Variants in ATP2B2 observed in about 807,000 individuals in gnomAD.
ATP2B2 encodes ATPase plasma membrane Ca2+ transporting 2, also known as plasma membrane calcium-transporting ATPase 2.
Under a neutral mutation model 120.0 loss-of-function variants are expected in ATP2B2, and 15 were observed. The ratio of observed to expected loss-of-function variants is 0.12; its 90% CI spans 0.08 to 0.19. ATP2B2 has a LOEUF of 0.19. ATP2B2 is among the 10% of genes least tolerant of loss of function. The pLI, the probability that ATP2B2 is intolerant of heterozygous loss-of-function variation, is 1.00. For missense variants in ATP2B2, 1,045 were observed against 1,719.8 expected, an observed-to-expected ratio of 0.61 and a Z score of 6.94; for synonymous variants, 694 against 700.3, an observed-to-expected ratio of 0.99 and a Z score of 0.14.
Position 10,655,188 on chromosome 3 carries a change from C to T in ATP2B2, c.-459-35227G>A, listed in dbSNP as rs571143809. 2.0e-5 allele frequency among the ~76,000 whole-genome samples: 3 copies of T among 152,336 alleles called. No homozygotes were observed. The South Asian group carries it at 6.2e-4, about 32-fold the overall frequency. On this transcript the variant is annotated intron_variant, in intron 1 of 21. Coordinates refer to the ATP2B2 transcript ENST00000646379. ...AAATGACAAGCTATGTGCTGTCTCT[C>T]ATTCACTCTCAACTACACCAATCCC...
At chr3:10,514,619 C>T (rs1425108053) in intron 3 of ATP2B2, among the ~76,000 whole-genome samples, 3 of 152,212 alleles carry the variant, frequency 2.0e-5, no homozygotes, top group African/African-American at 7.2e-5. Flanking sequence ...GAGCACACTG[C>T]AGCCAGGCCA....
Position 10,412,340 on chromosome 3 carries a change from G to A in ATP2B2, c.200-1525C>T, listed in dbSNP as rs1243543681. On this transcript the variant is annotated intron_variant, in intron 2 of 22. Transcript: ENST00000360273. Reference sequence around the variant, plus strand: ...ATTCAGGCGTGTGACCAGGAGGTGCGTGGCTCTGGTGGGGAAGACTCCCTC... The same window carrying A: ...ATTCAGGCGTGTGACCAGGAGGTGCATGGCTCTGGTGGGGAAGACTCCCTC... Among the ~76,000 whole-genome samples, 9 of 152,298 alleles carry A rather than the reference G, an allele frequency of 5.9e-5. No individual in the cohort carries two copies. The East Asian group carries it at 7.7e-4, about 13-fold the overall frequency.
chr3:10,504,314 C>G (rs1243143368), intron 1 of ATP2B2, among the ~76,000 whole-genome samples: 1 of 152,196 alleles, frequency 6.6e-6, no homozygotes, highest in Non-Finnish European at 1.5e-5. Flanking sequence ...GGATGGCGCC[C>G]GCTGATCCTG....
intron 1 of ATP2B2, among the ~76,000 whole-genome samples, chr3:10,492,114 T>G (rs1223925127): frequency 6.6e-6 from 1 of 152,154 alleles, no homozygotes; most frequent in Non-Finnish European, 1.5e-5. Flanking sequence ...ATGACTGTAG[T>G]TTAAAAAAGG....
At chr3:10,466,963 T>C (rs2064770718) in intron 1 of ATP2B2, among the ~76,000 whole-genome samples, 2 of 152,170 alleles carry the variant, frequency 1.3e-5, no homozygotes, top group African/African-American at 4.8e-5. Flanking sequence ...GGGTAGGCAT[T>C]GGGCAAGCCT....
chr3:10,643,874 G>GTA (rs1280375420), intron 1 of ATP2B2, among the ~76,000 whole-genome samples: 1 of 152,080 alleles, frequency 6.6e-6, no homozygotes, highest in Non-Finnish European at 1.5e-5. Flanking sequence ...TTAGATCAAA[G>GTA]TATACATCAG....
chr3:10,555,668 T>A lies in ATP2B2; in HGVS notation c.-414-21535A>T, dbSNP rs539362287. ...GAGCTTTGTCTCTTCCCCTGTTGAA[T>A]GGGAGGAATAGCAGCACCTCCATTG... On this transcript the variant is annotated intron_variant, in intron 2 of 21. Coordinates refer to the ATP2B2 transcript ENST00000646379. 2.6e-5 allele frequency among the ~76,000 whole-genome samples: 4 copies of A among 152,316 alleles called. No homozygotes were observed. The East Asian group carries it at 5.8e-4, about 22-fold the overall frequency.
intron 1 of ATP2B2, among the ~76,000 whole-genome samples, chr3:10,639,558 G>T (rs920169816): frequency 5.9e-5 from 9 of 152,168 alleles, no homozygotes; most frequent in African/African-American, 2.2e-4. Context: ...CCTCCCCAAG[G>T]CCCCACCTCC....
intron 1 of ATP2B2, among the ~76,000 whole-genome samples, chr3:10,500,604 C>T (rs991801788): frequency 4.6e-5 from 7 of 151,822 alleles, no homozygotes; most frequent in South Asian, 2.1e-4. Context: ...ATGGGTGTGA[C>T]GCAGCCACAA....
intron 2 of ATP2B2, among the ~76,000 whole-genome samples, chr3:10,447,014 A>C (rs2063859253): frequency 6.6e-6 from 1 of 152,146 alleles, no homozygotes; most frequent in Non-Finnish European, 1.5e-5. Context: ...TCTTTCCTCC[A>C]TAGCCAAGTC....
chr3:10,414,131 G>A (rs1575159319), intron 2 of ATP2B2, among the ~76,000 whole-genome samples: 1 of 152,264 alleles, frequency 6.6e-6, no homozygotes, highest in East Asian at 1.9e-4. Context: ...CATAAGATTT[G>A]GTGCAAATTA....
chr3:10,422,897 T>A (rs2063033229), intron 2 of ATP2B2, among the ~76,000 whole-genome samples: 1 of 152,222 alleles, frequency 6.6e-6, no homozygotes, highest in Non-Finnish European at 1.5e-5. Flanking sequence ...TTCCCACTCT[T>A]CTCTCCACTG....
chr3:10,567,773 C>T (rs2068040538), intron 2 of ATP2B2, among the ~76,000 whole-genome samples: 1 of 152,120 alleles, frequency 6.6e-6, no homozygotes, highest in Non-Finnish European at 1.5e-5. Context: ...TGATGGAAAA[C>T]AATACCAGCC....
chr3:10,379,350 C>T (rs542854537), intron 8 of ATP2B2, 66 bp from the exon 9 acceptor site: 30 of 1,527,628 alleles, frequency 2.0e-5, no homozygotes, highest in Admixed American at 8.4e-5. Context: ...ATCACGAAGA[C>T]GCAACAGGCC....
chr3:10,388,193 CTA>C, intron 6 of ATP2B2, 82 bp downstream of exon 6: 8 of 1,594,360 alleles, frequency 5.0e-6, no homozygotes, highest in Non-Finnish European at 6.0e-6. Flanking sequence ...CACTCAATAA[CTA>C]TTTTGTTGAG....
intron 1 of ATP2B2, among the ~76,000 whole-genome samples, chr3:10,487,856 C>G (rs917147874): frequency 6.6e-6 from 1 of 152,170 alleles, no homozygotes; most frequent in Admixed American, 6.5e-5. Context: ...CTCCCACTGC[C>G]TCTGAGTAAA....
At chr3:10,608,016 T>G (rs115195147) in intron 2 of ATP2B2, among the ~76,000 whole-genome samples, 1,573 of 152,336 alleles carry the variant, frequency 0.01, 26 homozygotes, top group African/African-American at 0.036. Flanking sequence ...CAGGCCTCAC[T>G]GTCCACTTTG....
chr3:10,539,832 C>G (rs2067395000), intron 2 of ATP2B2, among the ~76,000 whole-genome samples: 1 of 152,118 alleles, frequency 6.6e-6, no homozygotes, highest in Admixed American at 6.5e-5. Flanking sequence ...ACTAAAACAC[C>G]AAAAGCAATA....
At chr3:10,599,134 T>C (rs2068838575) in intron 2 of ATP2B2, among the ~76,000 whole-genome samples, 1 of 152,208 alleles carries the variant, frequency 6.6e-6, no homozygotes, top group African/African-American at 2.4e-5. Flanking sequence ...TCTGTGAGGC[T>C]AGCAGAGGAG....
Sources: gnomAD v4.1 joint callset for allele counts (sites outside exome capture counted in the v4.1 genomes callset) on GRCh38, gnomAD v4.1.1 for gene constraint, MANE v1.5 for transcripts, NCBI Gene and HGNC (gene_info 2026-07-23, HGNC 2026-07-21) for gene names.